The following NFAT5 variants were observed in gnomAD, a reference collection of about 807,000 sequenced individuals.
NFAT5 encodes the protein nuclear factor of activated T cells 5, also known as nuclear factor of activated T-cells 5.
In NFAT5, 31 loss-of-function variants were observed where a neutral mutation model predicts 166.5. The observed-to-expected ratio is 0.19, with a 90% CI of 0.14 to 0.25. The LOEUF is 0.25. Among genes scored for constraint, NFAT5 ranks in the 10% least tolerant of loss-of-function variants. The pLI is 1.00. For synonymous variants in NFAT5, 612 were observed against 639.7 expected (o/e 0.96, Z 0.65); for missense variants, 1,449 against 1,821.8 (o/e 0.80, Z 3.72).
At chr16:69,667,496 A>G (rs925079343) in intron 7 of NFAT5, among the ~76,000 whole-genome samples, 17 of 79,850 alleles carry the variant, frequency 2.1e-4, no homozygotes, top group African/African-American at 8.9e-4. Flanking sequence ...GCAGAAACTA[A>G]AAAAAAAAAA....
At chr16:69,591,322 A>T (rs941932301) in intron 2 of NFAT5, among the ~76,000 whole-genome samples, 1 of 135,244 alleles carries the variant, frequency 7.4e-6, no homozygotes, top group Non-Finnish European at 1.6e-5. Context: ...TACTCCGAGG[A>T]TGAAGATGAA....
chr16:69,676,532 C>A (rs1168272737), intron 9 of NFAT5, among the ~76,000 whole-genome samples: 1 of 152,098 alleles, frequency 6.6e-6, no homozygotes, highest in East Asian at 1.9e-4. Context: ...ATAATTTATT[C>A]ATTCTTTTAT....
In NFAT5 at chr16:69,655,072, C is replaced by G. The variant is rs140703594; in HGVS notation, c.1006-537C>G. On this transcript the variant is annotated intron_variant, in intron 5 of 14. Transcript: ENST00000349945. ...CCGTTTGAACTAGCAGTCTCTCAGA[C>G]CATAATGTTTTGTCTCAGGATTTAA... Among the ~76,000 whole-genome samples, 17 of 152,246 alleles carry G rather than the reference C, an allele frequency of 1.1e-4. No individual in the cohort carries two copies. In the East Asian group the frequency reaches 3.3e-3, roughly 29 times the overall value.
At chr16:69,620,551 T>A (rs2034152040) in intron 2 of NFAT5, among the ~76,000 whole-genome samples, 1 of 152,058 alleles carries the variant, frequency 6.6e-6, no homozygotes, top group South Asian at 2.1e-4. Flanking sequence ...CTGGCCAACA[T>A]AGCAAGACCG....
rs754836325 is a variant in NFAT5, at chr16:69,693,793, A to C, written c.3968A>C (p.Asn1323Thr). Residue 1323 changes from asparagine to threonine, a missense_variant, in exon 13 of 15, where the codon AAC (asparagine) becomes ACC (threonine). Transcript: ENST00000349945. ...CCAATGGCTAATCAGGAGCAACAGA[A>C]CCAGTCAATTTTTCACCAACAAAGT... ...QNPMANQEQQ[N>T]QSIFHQQSNM... 1.2e-6 allele frequency: 2 copies of C among 1,614,232 alleles called. No homozygotes were observed. The highest frequency in any genetic ancestry group is 1.7e-6 in the Non-Finnish European group (2 of 1,180,046).
intron 2 of NFAT5, among the ~76,000 whole-genome samples, chr16:69,589,554 G>T (rs994289560): frequency 2.6e-5 from 4 of 152,118 alleles, no homozygotes; most frequent in Non-Finnish European, 4.4e-5. Flanking sequence ...AATTTTAGCA[G>T]TTAAAACAGC....
intron 7 of NFAT5, among the ~76,000 whole-genome samples, chr16:69,663,580 A>AC (rs2036240105): frequency 6.6e-6 from 1 of 150,966 alleles, no homozygotes; most frequent in Non-Finnish European, 1.5e-5. Context: ...AAAAAAAAAA[A>AC]AAAAAAAGGC....
At position 69,568,368 on chromosome 16, in the gene NFAT5, GTGTGTGTGTA is replaced by G. The variant is rs1567505457; in HGVS notation, c.74-125_74-116del. On this transcript the variant is annotated intron_variant, in intron 1 of 14. Transcript: ENST00000349945. ...TATATGTGTGTGTGTGTGTGTGTGT[GTGTGTGTGTA>G]TATATATATATATATACACACACAC... is the stretch of plus-strand genomic sequence containing the variant. 117 of 389,304 alleles carry G rather than the reference GTGTGTGTGTA, an allele frequency of 3.0e-4. No homozygotes were observed. The East Asian group carries it at 5.5e-3, about 18-fold the overall frequency. The allele number at this position is 389,304 out of a possible 1,614,324, so 24.1% of individuals were successfully genotyped here.
chr16:69,669,936 T>G, intron 7 of NFAT5, 41 bp from the exon 8 acceptor site: 1 of 1,505,946 alleles, frequency 6.6e-7, no homozygotes, highest in Non-Finnish European at 8.8e-7. Context: ...AGAAATAAGT[T>G]TTGGTGGTTC....
chr16:69,689,894 C>T (rs868668795), intron 11 of NFAT5, among the ~76,000 whole-genome samples: 26 of 152,240 alleles, frequency 1.7e-4, no homozygotes, highest in Middle Eastern at 6.8e-3. Context: ...ATGAAGGGAG[C>T]GATCCAACTT....
At chr16:69,667,623 A>T (rs762901074) in intron 7 of NFAT5, among the ~76,000 whole-genome samples, 18 of 152,210 alleles carry the variant, frequency 1.2e-4, no homozygotes, top group Non-Finnish European at 2.5e-4. Context: ...AAATAAATTT[A>T]AAAAATGAGA....
chr16:69,659,985 T>C (rs1477556454), intron 7 of NFAT5, 86 bp downstream of exon 7: 3 of 1,176,230 alleles, frequency 2.6e-6, no homozygotes, highest in East Asian at 4.8e-5. Flanking sequence ...ATTTTAGATA[T>C]TTCATATGCT....
intron 10 of NFAT5, among the ~76,000 whole-genome samples, chr16:69,680,828 C>T (rs1046089924): frequency 2.6e-5 from 4 of 152,004 alleles, no homozygotes; most frequent in Non-Finnish European, 5.9e-5. Context: ...GGCGTGATCT[C>T]GGCTCACTGC....
At chr16:69,668,860 A>G (rs1490752398) in intron 7 of NFAT5, among the ~76,000 whole-genome samples, 2 of 151,742 alleles carry the variant, frequency 1.3e-5, no homozygotes, top group African/African-American at 2.4e-5. Flanking sequence ...TTGTATTTTT[A>G]GTAGAAACAG....
chr16:69,617,007 G>A (rs375769902), intron 2 of NFAT5, among the ~76,000 whole-genome samples: 11 of 148,826 alleles, frequency 7.4e-5, no homozygotes, highest in African/African-American at 1.7e-4. Flanking sequence ...TAAGTGGCGC[G>A]ATCTCGGCTC....
chr16:69,595,018 G>T lies in NFAT5; in HGVS notation c.127+26470G>T, dbSNP rs2032709577. On this transcript the variant is annotated intron_variant, in intron 2 of 14. Transcript: ENST00000349945. ...TGCTTTTATTATGGTTGTGCTGGCAGCTGATTAGATTGTACCCACTCAGAT... is the reference window on the plus strand; with the variant it reads ...TGCTTTTATTATGGTTGTGCTGGCATCTGATTAGATTGTACCCACTCAGAT... 3.3e-5 allele frequency among the ~76,000 whole-genome samples: 5 copies of T among 152,244 alleles called. No individual in the cohort carries two copies. The East Asian group carries it at 9.6e-4, about 29-fold the overall frequency.
At chr16:69,677,177 A>G in intron 9 of NFAT5, 26 bp from the exon 10 acceptor site, 1 of 1,587,582 alleles carries the variant, frequency 6.3e-7, no homozygotes. Flanking sequence ...CTTCTTTTCC[A>G]ACTCTTGTGC....
chr16:69,661,416 G>T (rs1597492644), intron 7 of NFAT5, among the ~76,000 whole-genome samples: 2 of 148,866 alleles, frequency 1.3e-5, no homozygotes, highest in Non-Finnish European at 3.0e-5. Context: ...GGTGGCATGT[G>T]CCTGTAGTCC....
At chr16:69,695,688 CAA>C (rs35634481) in intron 14 of NFAT5, 127 of 118,736 alleles carry the variant, frequency 1.1e-3, no homozygotes, top group South Asian at 2.6e-3. Flanking sequence ...CTAAAAAATA[CAA>C]AAAAAAAAAA....
Sources: gnomAD v4.1 joint callset for allele counts (sites outside exome capture counted in the v4.1 genomes callset) on GRCh38, gnomAD v4.1.1 for gene constraint, MANE v1.5 for transcripts, NCBI Gene and HGNC (gene_info 2026-07-23, HGNC 2026-07-21) for gene names.